The following ADIPOR2 variants were observed in gnomAD, a reference collection of about 807,000 sequenced individuals.
ADIPOR2 encodes adiponectin receptor 2.
A neutral mutation model predicts 40.9 loss-of-function variants in ADIPOR2; 18 were observed. The observed-to-expected ratio is 0.44, with a 90% CI of 0.30 to 0.65. ADIPOR2 has a LOEUF of 0.65. ADIPOR2 is among the 30% of genes least tolerant of loss of function. ADIPOR2 has a pLI of 0.09. For synonymous variants in ADIPOR2, 165 were observed against 166.4 expected, an observed-to-expected ratio of 0.99 and a Z score of 0.06; for missense variants, 283 against 479.2, an observed-to-expected ratio of 0.59 and a Z score of 3.82.
intron 1 of ADIPOR2, among the ~76,000 whole-genome samples, chr12:1,745,418 T>C (rs1468748429): frequency 1.3e-5 from 2 of 152,246 alleles, no homozygotes; most frequent in Non-Finnish European, 2.9e-5. Context: ...AGAAAGTTTG[T>C]TCAACTTAAA....
chr12:1,735,652 G>A (rs1432543188), intron 1 of ADIPOR2, among the ~76,000 whole-genome samples: 1 of 152,164 alleles, frequency 6.6e-6, no homozygotes, highest in Non-Finnish European at 1.5e-5. Context: ...AGTGGTGAGA[G>A]AGGGCATCCC....
rs543498592 is a variant in ADIPOR2 at position 1,774,736 on chromosome 12, C to T, written c.291+1775C>T. On this transcript the variant is annotated intron_variant, in intron 3 of 7. Coordinates refer to ENST00000357103, the MANE Select transcript of ADIPOR2 (RefSeq NM_024551.3). ...TTGAAATTTATTTATTGTTGAGTCT[C>T]GCTCTGTCGCTAGGCTGGAGTGCAG... Among the ~76,000 whole-genome samples, 6 of 152,300 alleles carry T rather than the reference C, an allele frequency of 3.9e-5. No individual in the cohort carries two copies. In the East Asian group the frequency reaches 7.7e-4, roughly 20 times the overall value.
At chr12:1,773,844 A>G (rs1862535390) in intron 3 of ADIPOR2, among the ~76,000 whole-genome samples, 1 of 152,226 alleles carries the variant, frequency 6.6e-6, no homozygotes, top group African/African-American at 2.4e-5. Context: ...TACATTCACA[A>G]TAATGCTGGA....
chr12:1,784,805 C>T (rs1592636346), intron 7 of ADIPOR2, among the ~76,000 whole-genome samples: 1 of 152,160 alleles, frequency 6.6e-6, no homozygotes, highest in East Asian at 1.9e-4. Flanking sequence ...TTCAACAAGA[C>T]AACATTGGAA....
At chr12:1,748,462 A>G (rs912724149) in intron 1 of ADIPOR2, among the ~76,000 whole-genome samples, 9 of 151,896 alleles carry the variant, frequency 5.9e-5, no homozygotes, top group African/African-American at 9.7e-5. Context: ...GTTAGCCAGG[A>G]TGGTCTCAAT....
intron 1 of ADIPOR2, among the ~76,000 whole-genome samples, chr12:1,691,801 T>C (rs1331715218): frequency 6.6e-6 from 1 of 152,140 alleles, no homozygotes; most frequent in Non-Finnish European, 1.5e-5. Context: ...AATCAGTTTT[T>C]AGGGGGCTCG....
intron 3 of ADIPOR2, among the ~76,000 whole-genome samples, chr12:1,773,407 C>T (rs1862525862): frequency 6.6e-6 from 1 of 152,112 alleles, no homozygotes; most frequent in South Asian, 2.1e-4. Context: ...GAGAGATTTT[C>T]CAGTTTCCAT....
chr12:1,710,519 A>T (rs2094674239), intron 1 of ADIPOR2, among the ~76,000 whole-genome samples: 1 of 151,990 alleles, frequency 6.6e-6, no homozygotes, highest in Non-Finnish European at 1.5e-5. Context: ...ACACCAGGGC[A>T]CCTGTCGGCC....
intron 1 of ADIPOR2, chr12:1,731,048 T>C (rs928169618): frequency 2.6e-5 from 4 of 152,218 alleles, no homozygotes; most frequent in African/African-American, 9.6e-5. Context: ...TACATTTTAA[T>C]ATTTCAGATT....
intron 1 of ADIPOR2, among the ~76,000 whole-genome samples, chr12:1,705,408 A>G (rs2094660148): frequency 6.6e-6 from 1 of 152,220 alleles, no homozygotes; most frequent in East Asian, 1.9e-4. Flanking sequence ...TGAAATCTAA[A>G]ATGCTCCCAA....
At chr12:1,720,357 G>T (rs2094695466) in intron 1 of ADIPOR2, among the ~76,000 whole-genome samples, 1 of 152,092 alleles carries the variant, frequency 6.6e-6, no homozygotes, top group African/African-American at 2.4e-5. Flanking sequence ...GGGTGGAGGG[G>T]ATGGTTTTGG....
intron 1 of ADIPOR2, among the ~76,000 whole-genome samples, chr12:1,725,760 C>T (rs1045099211): frequency 6.6e-6 from 1 of 152,086 alleles, no homozygotes; most frequent in Non-Finnish European, 1.5e-5. Context: ...TACAAATACA[C>T]AAATTAATAA....
chr12:1,762,972 GA>G (rs1208788579), intron 2 of ADIPOR2, among the ~76,000 whole-genome samples: 1 of 152,096 alleles, frequency 6.6e-6, no homozygotes, highest in African/African-American at 2.4e-5. Flanking sequence ...AAGAATTGTG[GA>G]AAAAGAGACC....
At chr12:1,780,373 A>G in intron 4 of ADIPOR2, 78 bp from the exon 5 acceptor site, 1 of 1,340,364 alleles carries the variant, frequency 7.5e-7, no homozygotes, top group Non-Finnish European at 9.9e-7. Flanking sequence ...ATGCAGAAGG[A>G]TTGAAAACAG....
At chr12:1,766,095 A>G (rs1461174575) in intron 2 of ADIPOR2, among the ~76,000 whole-genome samples, 2 of 152,196 alleles carry the variant, frequency 1.3e-5, no homozygotes, top group African/African-American at 2.4e-5. Flanking sequence ...TTAGTTGGAG[A>G]GACAGGTAAA....
chr12:1,751,921 TTTC>T (rs1473869369), intron 1 of ADIPOR2, among the ~76,000 whole-genome samples: 2 of 148,770 alleles, frequency 1.3e-5, no homozygotes, highest in African/African-American at 2.6e-5. Flanking sequence ...CTTTTCTTTC[TTTC>T]TTTTTTTTTT....
intron 1 of ADIPOR2, among the ~76,000 whole-genome samples, chr12:1,748,396 C>A (rs932774254): frequency 2.6e-5 from 4 of 151,988 alleles, no homozygotes; most frequent in Non-Finnish European, 5.9e-5. Flanking sequence ...CTACAGGTGC[C>A]CGCCACCACG....
chr12:1,755,394 C>T (rs536054398), intron 2 of ADIPOR2, among the ~76,000 whole-genome samples: 1 of 152,258 alleles, frequency 6.6e-6, no homozygotes, highest in Non-Finnish European at 1.5e-5. Context: ...CTCTTAAAAG[C>T]GTACTTAACC....
Position 1,781,087 on chromosome 12 carries a change from G to A in ADIPOR2, c.838+11G>A, listed in dbSNP as rs776533733. Reference sequence around the variant, plus strand: ...GGGGAGTAAGAGCAGGTAAGAGCACGGGGAGGTTCTACATTCGACATTCAT... The same window carrying A: ...GGGGAGTAAGAGCAGGTAAGAGCACAGGGAGGTTCTACATTCGACATTCAT... On this transcript the variant is annotated intron_variant, in intron 6 of 7. Coordinates refer to ENST00000357103, the MANE Select transcript of ADIPOR2 (RefSeq NM_024551.3). 3.1e-5 allele frequency: 48 copies of A among 1,563,388 alleles called. No individual in the cohort carries two copies. Among genetic ancestry groups the A allele is most frequent in the East Asian group, 6.9e-5 (3 of 43,188 alleles).
Sources: gnomAD v4.1 joint callset for allele counts (sites outside exome capture counted in the v4.1 genomes callset) on GRCh38, gnomAD v4.1.1 for gene constraint, MANE v1.5 for transcripts, NCBI Gene and HGNC (gene_info 2026-07-23, HGNC 2026-07-21) for gene names.